Variants in OPCML observed in about 807,000 individuals in gnomAD.
The protein encoded by OPCML is opioid-binding protein/cell adhesion molecule.
In OPCML, 13 loss-of-function variants were observed where a neutral mutation model predicts 37.8. The observed-to-expected ratio is 0.34, with a 90% confidence interval of 0.22 to 0.55. OPCML has a LOEUF of 0.55. Among genes scored for constraint, OPCML ranks in the 20% least tolerant of loss-of-function variants. The pLI is 0.91. For missense variants in OPCML, 341 were observed against 435.6 expected (o/e 0.78, Z 1.93); for synonymous variants, 176 against 168.8 (o/e 1.04, Z -0.33).
chr11:133,027,727 G>T (rs1189481457), intron 1 of OPCML, among the ~76,000 whole-genome samples: 2 of 888 alleles, frequency 2.3e-3, no homozygotes, highest in Non-Finnish European at 5.0e-3. Context: ...GTATGCATAT[G>T]TGATGTGACT....
In OPCML at chr11:132,416,033, G is replaced by A. The variant is rs2095937456; in HGVS notation, c.*4160C>T. On this transcript the variant is annotated 3_prime_UTR_variant, in exon 8 of 8. Transcript: ENST00000524381. The stretch of plus-strand genomic sequence containing the variant: ...AGGGAAGCTCTGAATAATAGGAGGG[G>A]AGGCAATTGGGTATAAGAGTTTCCA... 6.6e-6 allele frequency: 1 copy of A among 152,586 alleles called. No homozygotes were observed. The highest frequency in any genetic ancestry group is 1.5e-5 in the Non-Finnish European group (1 of 68,038). 9.5% of individuals were successfully genotyped at this position (152,586 alleles called of 1,614,324 possible).
chr11:132,552,491 GTTA>G (rs1271227998), intron 3 of OPCML, among the ~76,000 whole-genome samples: 1 of 152,048 alleles, frequency 6.6e-6, no homozygotes, highest in Non-Finnish European at 1.5e-5. Flanking sequence ...AAGTTCTGTT[GTTA>G]TTGTTTGTTT....
At chr11:133,432,486 C>T (rs993184658) in intron 1 of OPCML, among the ~76,000 whole-genome samples, 5 of 152,170 alleles carry the variant, frequency 3.3e-5, no homozygotes, top group African/African-American at 9.7e-5. Context: ...AGTGATCCTC[C>T]TGCCTTTGCC....
chr11:132,647,311 A>C (rs1315862227), intron 3 of OPCML, among the ~76,000 whole-genome samples: 1 of 152,172 alleles, frequency 6.6e-6, no homozygotes, highest in African/African-American at 2.4e-5. Flanking sequence ...CTCTGGGGTT[A>C]ATTGGAAAAT....
chr11:132,764,837 A>G (rs116633050), intron 2 of OPCML, among the ~76,000 whole-genome samples: 4,386 of 152,318 alleles, frequency 0.029, 116 homozygotes, highest in African/African-American at 0.067. Context: ...AATTAAGCTC[A>G]AATATGATCT....
intron 1 of OPCML, among the ~76,000 whole-genome samples, chr11:133,355,345 C>T (rs1944258596): frequency 6.6e-6 from 1 of 152,194 alleles, no homozygotes; most frequent in Admixed American, 6.5e-5. Flanking sequence ...CCAATTTTCA[C>T]AACATGTCCT....
At chr11:132,928,545 C>T (rs1229421889) in intron 2 of OPCML, among the ~76,000 whole-genome samples, 1 of 151,908 alleles carries the variant, frequency 6.6e-6, no homozygotes, top group African/African-American at 2.4e-5. Context: ...ACTCCACTTT[C>T]AATAATAGAT....
intron 1 of OPCML, among the ~76,000 whole-genome samples, chr11:133,315,592 A>T (rs1046320602): frequency 7.9e-5 from 12 of 152,218 alleles, no homozygotes; most frequent in African/African-American, 2.9e-4. Context: ...TGAGGTCAAG[A>T]GTTTAAGACC....
intron 1 of OPCML, chr11:133,421,026 C>A (rs937889185): frequency 1.5e-5 from 15 of 985,164 alleles, no homozygotes; most frequent in Non-Finnish European, 1.6e-5. Context: ...AGGAGAGAAT[C>A]ATGGGGTGTA....
intron 1 of OPCML, among the ~76,000 whole-genome samples, chr11:133,322,459 C>T (rs567642912): frequency 6.6e-6 from 1 of 152,292 alleles, no homozygotes; most frequent in East Asian, 1.9e-4. Flanking sequence ...AACACAAATG[C>T]TTAGGTCCCA....
chr11:133,006,401 T>C (rs1591903860), intron 1 of OPCML: 1 of 976,182 alleles, frequency 1.0e-6, no homozygotes, highest in Non-Finnish European at 1.2e-6. Flanking sequence ...AAGAACCCCA[T>C]CTTTAGCTGA....
Position 132,609,279 on chromosome 11 carries a change from C to T in OPCML, c.379+47808G>A, listed in dbSNP as rs113055246. On this transcript the variant is annotated intron_variant, in intron 3 of 7. Transcript: ENST00000524381. Reference sequence around the variant, plus strand: ...TAAGTTTTATTATTATTCTCACATCCGGTTTAAAGAAAATGAGAATCAGAC... The same window carrying T: ...TAAGTTTTATTATTATTCTCACATCTGGTTTAAAGAAAATGAGAATCAGAC... Among the ~76,000 whole-genome samples the T allele has an allele frequency of 9.9e-3, 1,500 of 152,272 alleles. 12 individuals carry two copies. Among genetic ancestry groups the T allele is most frequent in the African/African-American group, 0.022 (907 of 41,554 alleles).
intron 1 of OPCML, among the ~76,000 whole-genome samples, chr11:133,172,700 T>A (rs1009892097): frequency 6.6e-6 from 1 of 152,164 alleles, no homozygotes; most frequent in Non-Finnish European, 1.5e-5. Context: ...CAGTCCTTTT[T>A]TTAATATTCT....
intron 1 of OPCML, among the ~76,000 whole-genome samples, chr11:133,163,482 T>C (rs541726682): frequency 1.1e-4 from 16 of 152,214 alleles, no homozygotes; most frequent in Admixed American, 8.5e-4. Context: ...AAGGGGCATG[T>C]TCATAGACGT....
chr11:133,130,784 C>T (rs1356998510), intron 1 of OPCML, among the ~76,000 whole-genome samples: 1 of 152,050 alleles, frequency 6.6e-6, no homozygotes, highest in Non-Finnish European at 1.5e-5. Context: ...AATAGATCCA[C>T]ACAAACATAG....
At chr11:132,477,929 A>C (rs1482455606) in intron 4 of OPCML, among the ~76,000 whole-genome samples, 2 of 152,238 alleles carry the variant, frequency 1.3e-5, no homozygotes, top group Non-Finnish European at 2.9e-5. Flanking sequence ...AAAGGGAAAT[A>C]CTTTATCAAA....
chr11:133,327,834 G>T (rs552939734), intron 1 of OPCML, among the ~76,000 whole-genome samples: 1 of 152,264 alleles, frequency 6.6e-6, no homozygotes, highest in Admixed American at 6.5e-5. Flanking sequence ...AAGTAAAGGG[G>T]AGTCCACCTA....
chr11:133,505,184 A>G lies in OPCML; in HGVS notation c.61+27080T>C, dbSNP rs191092643. ...GAACGTAACACCATCTTTTTCAAGT[A>G]TCTGTTAATAGTTTCAGTGCTTATT... is the stretch of plus-strand genomic sequence containing the variant. On this transcript the variant is annotated intron_variant, in intron 1 of 7. Coordinates refer to ENST00000524381, the MANE Select transcript of OPCML (RefSeq NM_001012393.5). Among the ~76,000 whole-genome samples the G allele has an allele frequency of 2.0e-3, 302 of 152,350 alleles. 2 individuals carry two copies. The highest frequency in any genetic ancestry group is 1.7e-3 in the Non-Finnish European group (113 of 68,032).
intron 3 of OPCML, among the ~76,000 whole-genome samples, chr11:132,589,652 G>T (rs1000216349): frequency 2.0e-5 from 3 of 152,204 alleles, no homozygotes; most frequent in Admixed American, 6.5e-5. Flanking sequence ...CCAGGCAAAG[G>T]CCGGGTGTCC....
Sources: gnomAD v4.1 joint callset for allele counts (sites outside exome capture counted in the v4.1 genomes callset) on GRCh38, gnomAD v4.1.1 for gene constraint, MANE v1.5 for transcripts, NCBI Gene and HGNC (gene_info 2026-07-23, HGNC 2026-07-21) for gene names.